Variants in SPIDR observed in about 807,000 individuals in gnomAD.
SPIDR encodes the protein scaffold protein involved in DNA repair.
SPIDR carries 93 observed loss-of-function variants against 104.6 expected under a neutral mutation model. The observed-to-expected ratio is 0.89, with a 90% CI of 0.75 to 1.06. The LOEUF (loss-of-function observed/expected upper bound fraction) is 1.06, where lower values mean the gene tolerates loss of function less well. Ranked by LOEUF, SPIDR falls within the 50% of genes least tolerant of loss-of-function variation. The probability of loss-of-function intolerance (pLI) is 0.00; values close to 1 mark genes in which losing one functional copy is unlikely to be tolerated. For missense variants in SPIDR, 1,154 were observed against 1,111.2 expected (o/e 1.04, Z -0.55); for synonymous variants, 431 against 416.9 (o/e 1.03, Z -0.41).
chr8:47,695,135 G>A (rs2079154506), intron 11 of SPIDR, among the ~76,000 whole-genome samples: 1 of 152,078 alleles, frequency 6.6e-6, no homozygotes, highest in African/African-American at 2.4e-5. Context: ...TGAGAGAATG[G>A]AAGTGAGAAA....
intron 5 of SPIDR, among the ~76,000 whole-genome samples, chr8:47,344,075 C>T (rs1399179913): frequency 2.0e-5 from 3 of 151,300 alleles, no homozygotes; most frequent in Non-Finnish European, 4.4e-5. Flanking sequence ...CCCATTAACT[C>T]GTCATCTACA....
intron 8 of SPIDR, among the ~76,000 whole-genome samples, chr8:47,502,025 G>A (rs1564158071): frequency 6.6e-6 from 1 of 152,216 alleles, no homozygotes; most frequent in Non-Finnish European, 1.5e-5. Flanking sequence ...GTTTTTTGAT[G>A]TGATGCTGGA....
At chr8:47,468,449 A>T (rs1200292064) in intron 8 of SPIDR, among the ~76,000 whole-genome samples, 1 of 152,214 alleles carries the variant, frequency 6.6e-6, no homozygotes, top group African/African-American at 2.4e-5. Context: ...CCTGACTTCA[A>T]TCTATACAAC....
chr8:47,713,883 C>A (rs1239471458), intron 16 of SPIDR, among the ~76,000 whole-genome samples: 1 of 152,130 alleles, frequency 6.6e-6, no homozygotes, highest in Non-Finnish European at 1.5e-5. Flanking sequence ...CCGCTGATAA[C>A]CTGGGCCCAC....
At chr8:47,363,696 C>G (rs1158862576) in intron 5 of SPIDR, among the ~76,000 whole-genome samples, 1 of 151,932 alleles carries the variant, frequency 6.6e-6, no homozygotes, top group African/African-American at 2.4e-5. Flanking sequence ...AAAAAAAATA[C>G]TCCCTTTCTG....
At chr8:47,341,578 T>G (rs1360880958) in intron 5 of SPIDR, among the ~76,000 whole-genome samples, 2 of 152,178 alleles carry the variant, frequency 1.3e-5, no homozygotes, top group Non-Finnish European at 2.9e-5. Context: ...ATGTTTTACT[T>G]TGTTGCAGAT....
intron 11 of SPIDR, among the ~76,000 whole-genome samples, chr8:47,693,582 T>G (rs1228164231): frequency 6.6e-6 from 1 of 152,142 alleles, no homozygotes; most frequent in Non-Finnish European, 1.5e-5. Flanking sequence ...CAGGCACCAG[T>G]CTGTCATCTA....
At chr8:47,374,043 T>A (rs1244598466) in intron 5 of SPIDR, among the ~76,000 whole-genome samples, 3 of 152,370 alleles carry the variant, frequency 2.0e-5, no homozygotes, top group Non-Finnish European at 2.9e-5. Context: ...TTATTCATTC[T>A]AGGTGTGGTG....
At chr8:47,468,449 A>G (rs1200292064) in intron 8 of SPIDR, among the ~76,000 whole-genome samples, 1 of 152,214 alleles carries the variant, frequency 6.6e-6, no homozygotes, top group South Asian at 2.1e-4. Flanking sequence ...CCTGACTTCA[A>G]TCTATACAAC....
chr8:47,560,119 A>G (rs1361836095), intron 8 of SPIDR, among the ~76,000 whole-genome samples: 2 of 152,202 alleles, frequency 1.3e-5, no homozygotes, highest in Non-Finnish European at 2.9e-5. Flanking sequence ...AGAGCATTTC[A>G]TCATTTTCCC....
chr8:47,721,535 G>C (rs568736776), intron 16 of SPIDR, among the ~76,000 whole-genome samples: 1 of 151,432 alleles, frequency 6.6e-6, no homozygotes. Context: ...GCAGTGGCAC[G>C]ATCTTGGCTC....
chr8:47,554,435 C>T (rs2091037662), intron 8 of SPIDR, among the ~76,000 whole-genome samples: 1 of 152,194 alleles, frequency 6.6e-6, no homozygotes, highest in Admixed American at 6.5e-5. Flanking sequence ...TTTACCTACT[C>T]AAGCCTCAGC....
At chr8:47,278,799 A>G (rs2037120016) in intron 1 of SPIDR, among the ~76,000 whole-genome samples, 2 of 152,132 alleles carry the variant, frequency 1.3e-5, no homozygotes, top group South Asian at 2.1e-4. Context: ...TAATAATTAT[A>G]CGGCATTTAG....
chr8:47,711,300 T>A (rs2081852486), intron 14 of SPIDR, among the ~76,000 whole-genome samples: 1 of 152,192 alleles, frequency 6.6e-6, no homozygotes, highest in Non-Finnish European at 1.5e-5. Flanking sequence ...AAGCTCTGGT[T>A]GATTTTAATG....
intron 14 of SPIDR, among the ~76,000 whole-genome samples, 165 bp from the exon 15 acceptor site, chr8:47,712,497 G>A (rs1247668604): frequency 6.6e-6 from 1 of 152,118 alleles, no homozygotes. Context: ...AGGCACCCAG[G>A]GCACATGGGG....
chr8:47,444,028 AC>A (rs1161016776), intron 8 of SPIDR, among the ~76,000 whole-genome samples: 2 of 152,242 alleles, frequency 1.3e-5, no homozygotes, highest in African/African-American at 4.8e-5. Context: ...TCACCAACTT[AC>A]AAAAAAATGC....
chr8:47,558,767 G>A (rs533912656), intron 8 of SPIDR, among the ~76,000 whole-genome samples: 1 of 152,214 alleles, frequency 6.6e-6, no homozygotes, highest in African/African-American at 2.4e-5. Context: ...AGCCTCCCAA[G>A]TAGCTCGGAC....
At chr8:47,652,236 G>A (rs1410066242) in intron 10 of SPIDR, among the ~76,000 whole-genome samples, 2 of 150,958 alleles carry the variant, frequency 1.3e-5, no homozygotes, top group Non-Finnish European at 2.9e-5. Flanking sequence ...TTGGCAGGAA[G>A]GTTGGCAGGA....
At chr8:47,639,773 C>G (rs2068556803) in intron 10 of SPIDR, among the ~76,000 whole-genome samples, 1 of 151,810 alleles carries the variant, frequency 6.6e-6, no homozygotes, top group African/African-American at 2.4e-5. Context: ...CATGGTGAAA[C>G]CCCATCTCTA....
Sources: gnomAD v4.1 joint callset for allele counts (sites outside exome capture counted in the v4.1 genomes callset) on GRCh38, gnomAD v4.1.1 for gene constraint, MANE v1.5 for transcripts, NCBI Gene and HGNC (gene_info 2026-07-23, HGNC 2026-07-21) for gene names.